MUC17: variants seen among roughly 807,000 people sequenced by gnomAD.
MUC17 encodes mucin-17.
A neutral mutation model predicts 170.3 loss-of-function variants in MUC17; 190 were observed. That is an observed-to-expected ratio of 1.12 (90% CI 0.99 to 1.26). MUC17 has a LOEUF of 1.26. Ranked by LOEUF, MUC17 falls within the 50% of genes most tolerant of loss-of-function variation. MUC17 has a pLI of 0.00. For missense variants in MUC17, 6,415 were observed against 5,530.0 expected (o/e 1.16, Z -5.08); for synonymous variants, 2,325 against 2,002.5 (o/e 1.16, Z -4.30).
Position 101,036,367 on chromosome 7 carries a change from C to T in MUC17, c.4951C>T (p.Leu1651Phe), listed in dbSNP as rs1293544848. ...GGTGGCCAGTCCTGAGGCTAGCACCCTTTCAACAACTCCTGTTGACTCCAA... is the reference window on the plus strand; with the variant it reads ...GGTGGCCAGTCCTGAGGCTAGCACCTTTTCAACAACTCCTGTTGACTCCAA... ...TPVASPEAST[L>F]STTPVDSNSP... The change falls in exon 3 of 13, where the codon CTT (leucine) becomes TTT (phenylalanine). Residue 1651 changes from leucine to phenylalanine, a missense_variant. Leu to Phe is a conservative substitution (Grantham distance 22). Transcript: ENST00000306151. 1 of 1,613,050 alleles carries T rather than the reference C, an allele frequency of 6.2e-7. No individual in the cohort carries two copies. The highest frequency in any genetic ancestry group is 1.1e-5 in the South Asian group (1 of 90,976).
intron 6 of MUC17, among the ~76,000 whole-genome samples, chr7:101,049,948 T>C (rs1003360593): frequency 5.3e-5 from 8 of 152,024 alleles, no homozygotes; most frequent in East Asian, 1.9e-4. Context: ...CTGAGCAACA[T>C]AGCAAGACCT....
In MUC17 at chr7:101,035,921, C is replaced by T. The variant is rs745335711; in HGVS notation, c.4505C>T (p.Thr1502Ile). The change falls in exon 3 of 13, where the codon ACC becomes ATC. Residue 1502 changes from threonine to isoleucine, a missense_variant. By Grantham distance (89) the Thr-to-Ile change is moderately conservative (BLOSUM62 -1). Transcript: ENST00000306151. ...TCATCTCCTACACCTGCTGAAGGTA[C>T]CAGCATAGCAATCTCAACGCCTAGT... is the stretch of plus-strand genomic sequence containing the variant. ...VSSSPTPAEGTSIAISTPSEG... is the reference protein window; with the variant it reads ...VSSSPTPAEGISIAISTPSEG... The T allele has an allele frequency of 5.1e-5, 83 of 1,612,764 alleles. No individual in the cohort carries two copies. The Admixed American group carries it at 1.1e-3, about 22-fold the overall frequency.
rs370244807 is a variant in MUC17 at position 101,036,384 on chromosome 7, T to G, written c.4968T>G (p.Val1656=). Residue 1656 remains valine (V), a synonymous_variant, in exon 3 of 13, where the codon GTT becomes GTG. Coordinates refer to ENST00000306151, the MANE Select transcript of MUC17 (RefSeq NM_001040105.2). ...CTAGCACCCTTTCAACAACTCCTGTTGACTCCAACAGTCCTGTGATCACTT... is the reference window on the plus strand; with the variant it reads ...CTAGCACCCTTTCAACAACTCCTGTGGACTCCAACAGTCCTGTGATCACTT... The part of the protein sequence containing the change: ...PEASTLSTTP[V]DSNSPVITST... 22 of 1,612,302 alleles carry G rather than the reference T, an allele frequency of 1.4e-5. No homozygotes were observed. The African/African-American group carries it at 2.7e-4, about 20-fold the overall frequency.
At chr7:101,048,464 T>C (rs984697290) in intron 4 of MUC17, among the ~76,000 whole-genome samples, 1 of 149,626 alleles carries the variant, frequency 6.7e-6, no homozygotes. Flanking sequence ...GGTGTGGTGG[T>C]GCATACTTGT....
At position 101,042,088 on chromosome 7, in the gene MUC17, C is replaced by A; in HGVS notation, c.10672C>A (p.Pro3558Thr). ...CAGTTCTAGTCAAGCCAGTTCATCTCCAGCAACTCTTCAGGTCACCACTAT... is the reference window on the plus strand; with the variant it reads ...CAGTTCTAGTCAAGCCAGTTCATCTACAGCAACTCTTCAGGTCACCACTAT... The part of the protein sequence containing the change: ...VTSSSQASSS[P>T]ATLQVTTMRM... The change falls in exon 3 of 13, where the codon CCA (proline) becomes ACA (threonine). Residue 3558 changes from proline to threonine, a missense_variant. Pro to Thr is a conservative substitution (Grantham distance 38). Coordinates refer to ENST00000306151, the MANE Select transcript of MUC17 (RefSeq NM_001040105.2). 1.2e-6 allele frequency: 2 copies of A among 1,614,118 alleles called. No homozygotes were observed. The highest frequency in any genetic ancestry group is 1.7e-6 in the Non-Finnish European group (2 of 1,180,020).
At position 101,032,783 on chromosome 7, in the gene MUC17, G is replaced by T; in HGVS notation, c.1367G>T (p.Ser456Ile). The T allele has an allele frequency of 6.2e-7, 1 of 1,610,614 alleles. No homozygotes were observed. Among genetic ancestry groups the T allele is most frequent in the Non-Finnish European group, 8.5e-7 (1 of 1,178,908 alleles). ...TPSEGSTPLT[S>I]MPVSTTPVAS... is the part of the protein sequence containing the mutation. ...AGTGAAGGAAGCACTCCATTAACAA[G>T]TATGCCTGTCAGCACCACTCCAGTG... Residue 456 changes from serine to isoleucine, a missense_variant, in exon 3 of 13, where the codon AGT becomes ATT. Transcript: ENST00000306151.
At position 101,041,899 on chromosome 7, in the gene MUC17, A is replaced by G. The variant is rs746952337; in HGVS notation, c.10483A>G (p.Thr3495Ala). 1.9e-6 allele frequency: 3 copies of G among 1,604,252 alleles called. No homozygotes were observed. The African/African-American group carries it at 4.2e-5, about 22-fold the overall frequency. ...CACACCTGTGACCACTTCTTCTCCA[A>G]CCAATTCATCTCCTACAACTGCTGA... The part of the protein sequence containing the change: ...TSTPVTTSSP[T>A]NSSPTTAEVT... The change falls in exon 3 of 13, where the codon ACC becomes GCC. Residue 3495 changes from threonine to alanine, a missense_variant. Thr to Ala is a moderately conservative substitution (Grantham distance 58). Coordinates refer to ENST00000306151, the MANE Select transcript of MUC17 (RefSeq NM_001040105.2).
Position 101,053,097 on chromosome 7 carries a change from C to G in MUC17, c.13215C>G (p.Ile4405Met). 6.2e-7 allele frequency: 1 copy of G among 1,614,108 alleles called. No homozygotes were observed. The highest frequency in any genetic ancestry group is 8.5e-7 in the Non-Finnish European group (1 of 1,180,026). The change falls in exon 10 of 13, where the codon ATC (isoleucine) becomes ATG (methionine). Residue 4405 changes from isoleucine (I) to methionine (M), a missense_variant. Ile to Met is a conservative substitution (Grantham distance 10). Coordinates refer to ENST00000306151, the MANE Select transcript of MUC17 (RefSeq NM_001040105.2). ...CAGGGGTCGTGCTGATGCTGATCAT[C>G]CTGGTAGCTCTCCTGATGCTCGTTT... ...VGAGVVLMLI[I>M]LVALLMLVFR...
At position 101,038,352 on chromosome 7, in the gene MUC17, T is replaced by C. The variant is rs1204606979; in HGVS notation, c.6936T>C (p.Thr2312=). Reference sequence around the variant, plus strand: ...TTGACTCCAACACTCCTTTCACTACTTCTACTGAAGCCAGTTCACCTCCTC... The same window carrying C: ...TTGACTCCAACACTCCTTTCACTACCTCTACTGAAGCCAGTTCACCTCCTC... ...TPVDSNTPFT[T]STEASSPPPT... The change falls in exon 3 of 13, where the codon ACT becomes ACC. Residue 2312 remains threonine, a synonymous_variant. Transcript: ENST00000306151. The C allele has an allele frequency of 6.2e-7, 1 of 1,613,596 alleles. No individual in the cohort carries two copies. The highest frequency in any genetic ancestry group is 8.5e-7 in the Non-Finnish European group (1 of 1,179,926).
intron 9 of MUC17, among the ~76,000 whole-genome samples, chr7:101,052,437 C>T (rs369569559): frequency 1.4e-4 from 22 of 152,084 alleles, no homozygotes; most frequent in African/African-American, 2.4e-4. Flanking sequence ...GCATCAGGTG[C>T]GGGAAGAAGC....
rs4386914 is a variant in MUC17 at position 101,038,994 on chromosome 7, A to G, written c.7578A>G (p.Pro2526=). 0.13 allele frequency: 215,952 copies of G among 1,612,882 alleles called. 17,687 individuals carry two copies. The highest frequency in any genetic ancestry group is 0.32 in the African/African-American group (23,739 of 74,658). ...LLTSIPVSTT[P]VASPEASTLS... ...CAAGTATACCTGTCAGCACCACGCC[A>G]GTGGCCAGTCCTGAGGCTAGCACCC... Residue 2526 remains proline, a synonymous_variant, in exon 3 of 13, where the codon CCA becomes CCG. Transcript: ENST00000306151.
intron 4 of MUC17, 137 bp from the exon 5 acceptor site, chr7:101,048,708 G>T (rs1030418890): frequency 4.0e-6 from 3 of 752,624 alleles, no homozygotes; most frequent in Non-Finnish European, 4.3e-6. Flanking sequence ...AAACAAGAAG[G>T]TGTATTTTGG....
intron 1 of MUC17, among the ~76,000 whole-genome samples, chr7:101,022,370 T>C (rs1794107453): frequency 6.6e-6 from 1 of 152,220 alleles, no homozygotes; most frequent in South Asian, 2.1e-4. Context: ...TTTCGCCATG[T>C]TGGCGAGGGT....
rs572357520 is a variant in MUC17, at chr7:101,051,843, C to T, written c.12984C>T (p.Phe4328=). ...TGGCCAAGGAATATGGAGACTACTT[C>T]GTAGTGGAGTACCGGGACCAGAAGC... ...RKMAKEYGDY[F]VVEYRDQKPY... Residue 4328 remains phenylalanine (F), a synonymous_variant, in exon 9 of 13, where the codon TTC becomes TTT. Transcript: ENST00000306151. 60 of 1,614,154 alleles carry T rather than the reference C, an allele frequency of 3.7e-5. No individual in the cohort carries two copies. Among genetic ancestry groups the T allele is most frequent in the African/African-American group, 4.0e-5 (3 of 75,044 alleles).
rs1481639056 is a variant in MUC17, at chr7:101,036,567, C to A, written c.5151C>A (p.Asn1717Lys). The A allele has an allele frequency of 2.5e-6, 4 of 1,613,330 alleles. No homozygotes were observed. The highest frequency in any genetic ancestry group is 3.4e-6 in the Non-Finnish European group (4 of 1,179,596). The change falls in exon 3 of 13, where the codon AAC becomes AAA. Residue 1717 changes from asparagine (N) to lysine (K), a missense_variant. Transcript: ENST00000306151. ...CCCTTTCAACAACTCCCGTTGACAA[C>A]AGCACACCTGTGACCACTTCTACTG... ...ISTLSTTPVD[N>K]STPVTTSTEA...
At position 101,035,137 on chromosome 7, in the gene MUC17, A is replaced by C. The variant is rs149183485; in HGVS notation, c.3721A>C (p.Thr1241Pro). 99,189 of 1,472,780 alleles carry C rather than the reference A, an allele frequency of 0.067. No individual in the cohort carries two copies. Among genetic ancestry groups the C allele is most frequent in the African/African-American group, 0.22 (14,821 of 67,280 alleles). The allele number at this position is 1,472,780 out of a possible 1,614,324, so 91.2% of individuals were successfully genotyped here. ...CAGTTCTGAGGCTAGCACCCTTTCA[A>C]CATCTCCCGTTGACACCAGCACACC... ...VASSEASTLSTSPVDTSTPVT... is the reference protein window; with the variant it reads ...VASSEASTLSPSPVDTSTPVT... The change falls in exon 3 of 13, where the codon ACA becomes CCA. Residue 1241 changes from threonine (T) to proline (P), a missense_variant. Physicochemically the swap from Thr to Pro is conservative, Grantham distance 38. Coordinates refer to ENST00000306151, the MANE Select transcript of MUC17 (RefSeq NM_001040105.2).
chr7:101,033,310 A>C lies in MUC17; in HGVS notation c.1894A>C (p.Thr632Pro). The C allele has an allele frequency of 6.2e-7, 1 of 1,613,432 alleles. No individual in the cohort carries two copies. Among genetic ancestry groups the C allele is most frequent in the Admixed American group, 1.7e-5 (1 of 59,966 alleles). The part of the protein sequence containing the change: ...STYSERGTTI[T>P]SMSVSTTLVA... ...TTACAGTGAAAGAGGCACTACAATA[A>C]CAAGTATGTCTGTCAGCACCACACT... Residue 632 changes from threonine to proline, a missense_variant, in exon 3 of 13, where the codon ACA (threonine) becomes CCA (proline). Thr to Pro is a conservative substitution (Grantham distance 38). Transcript: ENST00000306151.
rs1212388967 is a variant in MUC17 at position 101,058,706 on chromosome 7, C to A, written c.*662C>A. 1 of 152,018 alleles carries A rather than the reference C, an allele frequency of 6.6e-6. No individual in the cohort carries two copies. Among genetic ancestry groups the A allele is most frequent in the Non-Finnish European group, 1.5e-5 (1 of 67,996 alleles). The allele number at this position is 152,018 out of a possible 1,614,324, so 9.4% of individuals were successfully genotyped here. A position where few individuals can be genotyped will look rare whatever the true frequency, so the allele number is the denominator to read the frequency against. On this transcript the variant is annotated 3_prime_UTR_variant, in exon 13 of 13. Coordinates refer to ENST00000306151, the MANE Select transcript of MUC17 (RefSeq NM_001040105.2). ...TGCATACCATCTTCATGAAAAACAC[C>A]TGTATTTAAATATAGAGCATTTACC...
At position 101,038,678 on chromosome 7, in the gene MUC17, C is replaced by T; in HGVS notation, c.7262C>T (p.Pro2421Leu). The part of the protein sequence containing the change: ...SSEASTHSTT[P>L]VDTSTPVTTS... ...GAGGCTAGCACCCATTCCACAACTC[C>T]TGTTGACACCAGCACACCTGTCACC... Residue 2421 changes from proline (P) to leucine (L), a missense_variant, in exon 3 of 13, where the codon CCT becomes CTT. Transcript: ENST00000306151. The T allele has an allele frequency of 6.2e-7, 1 of 1,614,064 alleles. No homozygotes were observed.
Sources: gnomAD v4.1 joint callset for allele counts (sites outside exome capture counted in the v4.1 genomes callset) on GRCh38, gnomAD v4.1.1 for gene constraint, MANE v1.5 for transcripts, NCBI Gene and HGNC (gene_info 2026-07-23, HGNC 2026-07-21) for gene names.